Variants in MALRD1 observed in about 807,000 individuals in gnomAD.
MALRD1 encodes the protein MAM and LDL-receptor class A domain-containing protein 1.
Under a neutral mutation model 242.1 loss-of-function variants are expected in MALRD1, and 247 were observed. That is an observed-to-expected ratio of 1.02 (90% CI 0.92 to 1.13). MALRD1 has a LOEUF of 1.13. Ranked by LOEUF, MALRD1 falls within the 50% of genes most tolerant of loss-of-function variation. The pLI, the probability that MALRD1 is intolerant of heterozygous loss-of-function variation, is 0.00. For synonymous variants in MALRD1, 995 were observed against 866.6 expected (o/e 1.15, Z -2.60); for missense variants, 2,989 against 2,533.1 (o/e 1.18, Z -3.86).
intron 1 of MALRD1, among the ~76,000 whole-genome samples, chr10:19,057,734 C>G (rs945009416): frequency 6.6e-6 from 1 of 151,970 alleles, no homozygotes; most frequent in Non-Finnish European, 1.5e-5. Context: ...CATTCTAGTA[C>G]AAAATCTAGC....
At chr10:19,555,945 G>C (rs544561824) in intron 32 of MALRD1, among the ~76,000 whole-genome samples, 1 of 152,202 alleles carries the variant, frequency 6.6e-6, no homozygotes, top group South Asian at 2.1e-4. Flanking sequence ...TGTATTAACG[G>C]AACAAGTGAT....
intron 31 of MALRD1, among the ~76,000 whole-genome samples, chr10:19,499,829 G>A (rs950961915): frequency 1.3e-5 from 2 of 152,184 alleles, no homozygotes; most frequent in Admixed American, 6.5e-5. Context: ...CAGATTGAAT[G>A]TATCATGCTA....
At chr10:19,367,211 TC>T in intron 26 of MALRD1, among the ~76,000 whole-genome samples, 1 of 152,086 alleles carries the variant, frequency 6.6e-6, no homozygotes, top group Non-Finnish European at 1.5e-5. Context: ...TAGATCTTAC[TC>T]CTTCTCTCTA....
intron 14 of MALRD1, among the ~76,000 whole-genome samples, chr10:19,190,583 C>CA (rs1835927611): frequency 6.6e-6 from 1 of 151,346 alleles, no homozygotes; most frequent in African/African-American, 2.4e-5. Context: ...ATGGTACTGC[C>CA]AAAAAGACCA....
chr10:19,242,452 G>A (rs1402006190), intron 18 of MALRD1, among the ~76,000 whole-genome samples: 1 of 152,080 alleles, frequency 6.6e-6, no homozygotes, highest in Admixed American at 6.6e-5. Flanking sequence ...CTATGGTATA[G>A]TTTGAGTCTG....
At chr10:19,430,080 T>TGG (rs1433277670) in intron 28 of MALRD1, among the ~76,000 whole-genome samples, 1 of 151,594 alleles carries the variant, frequency 6.6e-6, no homozygotes, top group African/African-American at 2.4e-5. Context: ...TGCCGCTTCT[T>TGG]GGTTTCTTTG....
At chr10:19,114,390 T>A (rs1415381486) in intron 5 of MALRD1, among the ~76,000 whole-genome samples, 4 of 152,122 alleles carry the variant, frequency 2.6e-5, no homozygotes, top group African/African-American at 9.7e-5. Context: ...TAGAAATGAT[T>A]GTTTAGGAGG....
chr10:19,447,241 C>G lies in MALRD1; in HGVS notation c.4846-3066C>G, dbSNP rs373929686. ...CTGGCATCTAACATAGTACCTGGCACTGTGTGAGCACAGAAAGTTTGCTGA... is the reference window on the plus strand; with the variant it reads ...CTGGCATCTAACATAGTACCTGGCAGTGTGTGAGCACAGAAAGTTTGCTGA... On this transcript the variant is annotated intron_variant, in intron 28 of 39. Coordinates refer to ENST00000454679, the MANE Select transcript of MALRD1 (RefSeq NM_001142308.3). 7.7e-4 allele frequency among the ~76,000 whole-genome samples: 118 copies of G among 152,278 alleles called. 1 individual carries two copies. In the South Asian group the frequency reaches 0.01, roughly 13 times the overall value.
chr10:19,066,312 AT>A (rs1322250873), intron 1 of MALRD1, among the ~76,000 whole-genome samples: 2 of 152,302 alleles, frequency 1.3e-5, no homozygotes, highest in East Asian at 3.9e-4. Flanking sequence ...GGCCAACTGC[AT>A]TTTTGTATGT....
chr10:19,530,352 A>AT (rs1564416918), intron 31 of MALRD1, among the ~76,000 whole-genome samples: 5 of 108,476 alleles, frequency 4.6e-5, no homozygotes, highest in African/African-American at 1.6e-4. Flanking sequence ...ATATAAATAT[A>AT]TAATATTTAT....
chr10:19,120,921 T>C (rs1257402786), intron 5 of MALRD1, among the ~76,000 whole-genome samples: 1 of 152,160 alleles, frequency 6.6e-6, no homozygotes, highest in Non-Finnish European at 1.5e-5. Flanking sequence ...TTTTTGTATT[T>C]TTAGTAGATA....
chr10:19,663,534 G>T (rs1009993919), intron 36 of MALRD1, among the ~76,000 whole-genome samples: 1 of 151,994 alleles, frequency 6.6e-6, no homozygotes, highest in Admixed American at 6.6e-5. Context: ...TTTCCTTTGG[G>T]TAGATAGCCA....
chr10:19,395,929 G>A (rs10763980), intron 28 of MALRD1, among the ~76,000 whole-genome samples: 125,569 of 151,970 alleles, frequency 0.83, 52,168 homozygotes, highest in Non-Finnish European at 0.85. Flanking sequence ...AAAGATTTCC[G>A]TTAGGATGCT....
intron 32 of MALRD1, among the ~76,000 whole-genome samples, chr10:19,540,344 G>A (rs1322650394): frequency 5.6e-5 from 2 of 35,824 alleles, no homozygotes; most frequent in Non-Finnish European, 1.1e-4. Flanking sequence ...GGGCCCTCTG[G>A]GATGTGGTTG....
At chr10:19,730,562 T>A in intron 38 of MALRD1, 144 bp from the exon 39 acceptor site, 1 of 883,880 alleles carries the variant, frequency 1.1e-6, no homozygotes. Flanking sequence ...AAAAACAAAC[T>A]TTACTTATGG....
rs552003139 is a variant in MALRD1, at chr10:19,652,527, G to T, written c.6137+36604G>T. ...TGGAGAAATGGGAAGAGATATTCTG[G>T]GATTTGAGTTTTATGAAATTCACTG... On this transcript the variant is annotated intron_variant, in intron 36 of 39. Transcript: ENST00000454679. Among the ~76,000 whole-genome samples, 4 of 152,096 alleles carry T rather than the reference G, an allele frequency of 2.6e-5. No homozygotes were observed. The South Asian group carries it at 8.3e-4, about 32-fold the overall frequency.
chr10:19,580,549 T>A (rs947985909), intron 33 of MALRD1, among the ~76,000 whole-genome samples: 1 of 152,204 alleles, frequency 6.6e-6, no homozygotes, highest in Non-Finnish European at 1.5e-5. Flanking sequence ...TGCTTTCAGG[T>A]AACCTGCCTC....
At chr10:19,551,988 T>C (rs1835492137) in intron 32 of MALRD1, among the ~76,000 whole-genome samples, 1 of 152,196 alleles carries the variant, frequency 6.6e-6, no homozygotes, top group African/African-American at 2.4e-5. Context: ...TAGATTAGTT[T>C]GCCAGTATTT....
chr10:19,562,649 C>CT (rs1377973346), intron 32 of MALRD1, among the ~76,000 whole-genome samples: 1 of 152,154 alleles, frequency 6.6e-6, no homozygotes, highest in Non-Finnish European at 1.5e-5. Flanking sequence ...CCTCAATTCT[C>CT]TAATGCAGGG....
Sources: gnomAD v4.1 joint callset for allele counts (sites outside exome capture counted in the v4.1 genomes callset) on GRCh38, gnomAD v4.1.1 for gene constraint, MANE v1.5 for transcripts, NCBI Gene and HGNC (gene_info 2026-07-23, HGNC 2026-07-21) for gene names.